The following HIVEP3 variants were observed in gnomAD, a reference collection of about 807,000 sequenced individuals.
HIVEP3 encodes the protein transcription factor HIVEP3.
A neutral mutation model predicts 152.8 loss-of-function variants in HIVEP3; 49 were observed. The observed-to-expected ratio is 0.32, with a 90% CI of 0.26 to 0.41. HIVEP3 has a LOEUF of 0.41. Ranked by LOEUF, HIVEP3 falls within the 10% of genes least tolerant of loss-of-function variation. The pLI, the probability that HIVEP3 is intolerant of heterozygous loss-of-function variation, is 1.00. For synonymous variants in HIVEP3, 1,269 were observed against 1,289.0 expected (o/e 0.98, Z 0.33); for missense variants, 2,790 against 3,103.3 (o/e 0.90, Z 2.40).
chr1:41,600,799 C>T (rs903874932), intron 3 of HIVEP3, among the ~76,000 whole-genome samples: 9 of 152,116 alleles, frequency 5.9e-5, no homozygotes, highest in African/African-American at 2.2e-4. Flanking sequence ...CCTATGTTTT[C>T]TTCTAGAAGT....
rs1184489376 is a variant in HIVEP3, at chr1:41,511,039, G to A, written c.6633C>T (p.Pro2211=). 7 of 1,613,622 alleles carry A rather than the reference G, an allele frequency of 4.3e-6. No individual in the cohort carries two copies. Among genetic ancestry groups the A allele is most frequent in the Non-Finnish European group, 5.1e-6 (6 of 1,179,816 alleles). The change falls in exon 9 of 9, where the codon CCC becomes CCT. Residue 2211 remains proline (P), a synonymous_variant. Transcript: ENST00000372583. The surrounding 1 kb of genome is among the most constrained non-coding windows in gnomAD (Gnocchi z 4.9). ...QMVQARPGAH[P]TLLPGPTAAW... ...CTGCGGTGGGCCCTGGCAGCAGGGT[G>A]GGGTGGGCTCCTGGCCGGGCCTGCA...
Position 41,510,370 on chromosome 1 carries a change from A to C in HIVEP3, c.*81T>G. On this transcript the variant is annotated 3_prime_UTR_variant, in exon 9 of 9. Transcript: ENST00000372583. The stretch of plus-strand genomic sequence containing the variant: ...ACGGAGGGACAGATGGGGCTGAGGA[A>C]GTGGGATGATTCGAGGAAAGTGGCT... 8 of 1,229,998 alleles carry C rather than the reference A, an allele frequency of 6.5e-6. No homozygotes were observed. Among genetic ancestry groups the C allele is most frequent in the Non-Finnish European group, 8.6e-6 (8 of 927,580 alleles). The allele number at this position is 1,229,998 out of a possible 1,614,324, so 76.2% of individuals were successfully genotyped here.
intron 1 of HIVEP3, among the ~76,000 whole-genome samples, chr1:41,758,731 G>A (rs1647477023): frequency 6.6e-6 from 1 of 152,222 alleles, no homozygotes; most frequent in Admixed American, 6.5e-5. Context: ...GGACAAACTG[G>A]TAGTAGTTAT....
rs143476188 is a variant in HIVEP3, at chr1:41,581,864, G to T, written c.2934C>A (p.Val978=). Residue 978 remains valine (V), a synonymous_variant, in exon 4 of 9, where the codon GTC becomes GTA. Coordinates refer to ENST00000372583, the MANE Select transcript of HIVEP3 (RefSeq NM_024503.5). The surrounding 1 kb of genome is among the most constrained non-coding windows in gnomAD (Gnocchi z 4.5). The part of the protein sequence containing the change: ...PKPLGTHMLT[V]PSHHPHAREM... ...CTCGGGCATGTGGGTGGTGGCTGGG[G>T]ACAGTCAACATGTGGGTGCCCAGGG... The T allele has an allele frequency of 5.7e-4, 920 of 1,608,128 alleles. No homozygotes were observed. Among genetic ancestry groups the T allele is most frequent in the Non-Finnish European group, 7.2e-4 (841 of 1,176,208 alleles).
chr1:41,705,957 A>G (rs1484933377), intron 1 of HIVEP3, among the ~76,000 whole-genome samples: 1 of 152,222 alleles, frequency 6.6e-6, no homozygotes, highest in Non-Finnish European at 1.5e-5. Flanking sequence ...GTACAAATCC[A>G]ACTGGTAGCC....
intron 1 of HIVEP3, among the ~76,000 whole-genome samples, chr1:41,721,989 G>T (rs920726623): frequency 3.3e-5 from 5 of 152,166 alleles, no homozygotes; most frequent in African/African-American, 1.2e-4. Flanking sequence ...CAATGATGAA[G>T]CTCTCCATCA....
chr1:41,622,180 C>T (rs1283346458), intron 3 of HIVEP3, among the ~76,000 whole-genome samples: 1 of 152,206 alleles, frequency 6.6e-6, no homozygotes, highest in Non-Finnish European at 1.5e-5. Context: ...GGCCGAATCC[C>T]TGCCTAGAGG....
chr1:41,605,406 C>T lies in HIVEP3; in HGVS notation c.-521-20088G>A, dbSNP rs890232356. On this transcript the variant is annotated intron_variant, in intron 3 of 8. Coordinates refer to ENST00000372583, the MANE Select transcript of HIVEP3 (RefSeq NM_024503.5). ...ACACACACACACACACACACACACA[C>T]ATACATATGTTAAAAAGAAAACTAT... is the stretch of plus-strand genomic sequence containing the variant. Among the ~76,000 whole-genome samples, 106 of 143,442 alleles carry T rather than the reference C, an allele frequency of 7.4e-4. 4 individuals are homozygous for T. The highest frequency in any genetic ancestry group is 3.0e-5 in the Non-Finnish European group (2 of 65,934). 94.1% of individuals were successfully genotyped at this position (143,442 alleles called of 152,430 possible).
At chr1:41,807,833 A>G (rs1001128450) in intron 1 of HIVEP3, among the ~76,000 whole-genome samples, 2 of 152,184 alleles carry the variant, frequency 1.3e-5, no homozygotes, top group African/African-American at 4.8e-5. Context: ...TAGGTCAGGA[A>G]GTCAAGGGGA....
chr1:41,954,252 G>A (rs1387099591), intron 1 of HIVEP3, among the ~76,000 whole-genome samples: 1 of 152,176 alleles, frequency 6.6e-6, no homozygotes, highest in Non-Finnish European at 1.5e-5. Flanking sequence ...TGTTTTTACT[G>A]ACTCCAGATA....
At chr1:41,594,673 G>A (rs1380308089) in intron 3 of HIVEP3, among the ~76,000 whole-genome samples, 2 of 152,132 alleles carry the variant, frequency 1.3e-5, no homozygotes, top group African/African-American at 2.4e-5. Context: ...CATATAGGTT[G>A]CAGATATCTT....
At chr1:41,607,872 T>C (rs1204790056) in intron 3 of HIVEP3, among the ~76,000 whole-genome samples, 4 of 152,220 alleles carry the variant, frequency 2.6e-5, no homozygotes, top group Non-Finnish European at 1.5e-5. Flanking sequence ...ATCTTGGTCT[T>C]CTGATATCCA....
chr1:41,807,537 A>G lies in HIVEP3; in HGVS notation c.-800-106542T>C, dbSNP rs561221063. Among the ~76,000 whole-genome samples, 18 of 152,282 alleles carry G rather than the reference A, an allele frequency of 1.2e-4. No individual in the cohort carries two copies. The East Asian group carries it at 3.3e-3, about 28-fold the overall frequency. ...AGAATCCTGCCAGGCAGTTGTTCCA[A>G]TGTGTAGCGATAAGCAGTGACAGGG... On this transcript the variant is annotated intron_variant, in intron 1 of 8. Transcript: ENST00000372583.
chr1:41,667,475 C>T (rs565603411), intron 2 of HIVEP3, among the ~76,000 whole-genome samples: 38 of 152,382 alleles, frequency 2.5e-4, no homozygotes, highest in East Asian at 2.1e-3. Context: ...GAAGGCGGGG[C>T]CTTCAGTTCC....
intron 1 of HIVEP3, among the ~76,000 whole-genome samples, chr1:41,720,975 G>A (rs149338415): frequency 6.4e-4 from 97 of 152,318 alleles, no homozygotes; most frequent in African/African-American, 2.2e-3. Flanking sequence ...CCACTTAGAC[G>A]TAGTGTCTAA....
chr1:41,641,456 C>T (rs1445770972), intron 2 of HIVEP3, among the ~76,000 whole-genome samples: 2 of 152,244 alleles, frequency 1.3e-5, no homozygotes, highest in African/African-American at 2.4e-5. Context: ...TCTTCCACCC[C>T]ATCCCCACCT....
intron 1 of HIVEP3, among the ~76,000 whole-genome samples, chr1:41,947,661 CA>C (rs2124489246): frequency 6.6e-6 from 1 of 152,278 alleles, no homozygotes; most frequent in South Asian, 2.1e-4. Context: ...GCTAATGGGG[CA>C]AGACTTTTCT....
intron 3 of HIVEP3, among the ~76,000 whole-genome samples, chr1:41,592,229 C>A (rs768630667): frequency 5.3e-5 from 8 of 152,152 alleles, no homozygotes; most frequent in Non-Finnish European, 1.2e-4. Context: ...GCCATGGGTC[C>A]GGTAACCTGT....
At chr1:41,910,268 A>C (rs1270532021) in intron 1 of HIVEP3, among the ~76,000 whole-genome samples, 1 of 152,026 alleles carries the variant, frequency 6.6e-6, no homozygotes, top group East Asian at 1.9e-4. Context: ...AAAAAATAAC[A>C]GCATCTTATA....
Sources: allele counts gnomAD v4.1 joint callset (sites outside exome capture counted in the v4.1 genomes callset), GRCh38; gene constraint gnomAD v4.1.1; non-coding constraint Gnocchi (gnomAD v3.1); transcripts MANE v1.5; gene names NCBI Gene and HGNC (gene_info 2026-07-23, HGNC 2026-07-21).